Variants in PIEZO1 observed in about 807,000 individuals in gnomAD.
PIEZO1 encodes piezo type mechanosensitive ion channel component 1 (Er blood group), also known as piezo-type mechanosensitive ion channel component 1.
A neutral mutation model predicts 297.2 loss-of-function variants in PIEZO1; 296 were observed. The observed-to-expected ratio is 1.00, with a 90% CI of 0.91 to 1.10. The LOEUF is 1.10. Ranked by LOEUF, PIEZO1 falls within the 50% of genes least tolerant of loss-of-function variation. The pLI is 0.00. For synonymous variants in PIEZO1, 2,427 were observed against 1,507.5 expected (o/e 1.61, Z -14.13); for missense variants, 5,018 against 3,455.5 (o/e 1.45, Z -11.34).
intron 1 of PIEZO1, among the ~76,000 whole-genome samples, chr16:88,780,129 C>T (rs1188693812): frequency 6.6e-6 from 1 of 152,224 alleles, no homozygotes; most frequent in Non-Finnish European, 1.5e-5. Context: ...TGCCTGCCCC[C>T]GTCCTCCCAG....
At chr16:88,751,948 C>A (rs11644827) in intron 1 of PIEZO1, among the ~76,000 whole-genome samples, 12,565 of 152,270 alleles carry the variant, frequency 0.083, 653 homozygotes, top group East Asian at 0.12. Flanking sequence ...GGGTTCGAAG[C>A]CCGTGGCAGG....
intron 22 of PIEZO1, among the ~76,000 whole-genome samples, chr16:88,730,597 C>CAAA (rs59142015): frequency 8.3e-5 from 7 of 84,280 alleles, no homozygotes; most frequent in African/African-American, 2.1e-4. Context: ...GACTCCATCT[C>CAAA]AAAAAAAAAA....
chr16:88,724,429 G>A (rs1427736269), intron 30 of PIEZO1, among the ~76,000 whole-genome samples: 1 of 152,024 alleles, frequency 6.6e-6, no homozygotes, highest in East Asian at 1.9e-4. Context: ...TACTTGGGAG[G>A]CTGAGGCAGG....
chr16:88,716,034 G>C lies in PIEZO1; in HGVS notation c.7215C>G (p.Val2405=). Residue 2405 remains valine (V), a synonymous_variant, in exon 50 of 51, where the codon GTC becomes GTG. Coordinates refer to ENST00000301015, the MANE Select transcript of PIEZO1 (RefSeq NM_001142864.4). ...AGATGFLEWW[V]IELQECRTDC... is the part of the protein sequence containing the mutation. ...CGGTCCGGCACTCCTGCAGCTCGAT[G>C]ACCCACCATTCGAGGAAGCCGGTGG... The C allele has an allele frequency of 6.5e-6, 10 of 1,550,238 alleles. No homozygotes were observed. Among genetic ancestry groups the C allele is most frequent in the Non-Finnish European group, 8.7e-6 (10 of 1,146,914 alleles).
chr16:88,722,037 G>A lies in PIEZO1; in HGVS notation c.4985C>T (p.Ala1662Val). 1 of 1,547,630 alleles carries A rather than the reference G, an allele frequency of 6.5e-7. No individual in the cohort carries two copies. The highest frequency in any genetic ancestry group is 8.7e-7 in the Non-Finnish European group (1 of 1,146,358). The change falls in exon 37 of 51, where the codon GCA becomes GTA. Residue 1662 changes from alanine to valine, a missense_variant. By Grantham distance (64) the Ala-to-Val change is moderately conservative. Transcript: ENST00000301015. ...RRLRIPELEE[A>V]ELFAEGQGRA... ...GCCCTGCCCCTCCGCAAACAGCTCT[G>A]CCTCCTCCAGCTCTGGGATGCGCAG...
rs1017359094 is a variant in PIEZO1, at chr16:88,726,551, A to G, written c.3792T>C (p.Tyr1264=). The G allele has an allele frequency of 6.5e-7, 1 of 1,549,558 alleles. No individual in the cohort carries two copies. The highest frequency in any genetic ancestry group is 2.0e-5 in the Admixed American group (1 of 50,990). ...FSLVCTVKGY[Y]DPKEMMDRDQ... is the part of the protein sequence containing the mutation. ...GCCACCGTCCTGGCCACTCACGGTC[A>G]TAGTAGCCCTTGACGGTGCATACAA... The change falls in exon 26 of 51, where the codon TAT becomes TAC. Residue 1264 remains tyrosine (Y), a synonymous_variant. Transcript: ENST00000301015.
intron 1 of PIEZO1, among the ~76,000 whole-genome samples, chr16:88,756,357 C>T (rs1392028064): frequency 6.6e-6 from 1 of 152,176 alleles, no homozygotes; most frequent in Non-Finnish European, 1.5e-5. Context: ...CTGGACCCCA[C>T]AATGGCCGCA....
intron 25 of PIEZO1, 25 bp downstream of exon 25, chr16:88,726,690 G>A (rs1567666265): frequency 6.6e-7 from 1 of 1,520,248 alleles, no homozygotes; most frequent in Non-Finnish European, 8.9e-7. Context: ...CCAGGGCGGT[G>A]GGTGCGGGGG....
rs571621708 is a variant in PIEZO1 at position 88,746,141 on chromosome 16, C to G, written c.160+3243G>C. ...CTTGAGGCTGAGCCATGAGGCCCAC[C>G]CAGCGACAGCTAGGGCTGAGCTGCG... On this transcript the variant is annotated intron_variant, in intron 2 of 50. Transcript: ENST00000301015. Among the ~76,000 whole-genome samples, 15 of 152,270 alleles carry G rather than the reference C, an allele frequency of 9.9e-5. No homozygotes were observed. In the South Asian group the frequency reaches 3.1e-3, roughly 32 times the overall value.
intron 1 of PIEZO1, among the ~76,000 whole-genome samples, chr16:88,771,052 G>A (rs1296690771): frequency 1.3e-5 from 2 of 152,174 alleles, no homozygotes; most frequent in African/African-American, 4.8e-5. Context: ...GTGTTGCAAG[G>A]TCCTTCCGCC....
At position 88,736,358 on chromosome 16, in the gene PIEZO1, C is replaced by G. The variant is rs1365776535; in HGVS notation, c.1347G>C (p.Trp449Cys). ...HSWLTFVLLL[W>C]ACLIWTVRSR... ...TGCGCACCGTCCAGATGAGGCAGGC[C>G]CAGAGCAGCAGTACGAAGGTCAGCC... Residue 449 changes from tryptophan (W) to cysteine (C), a missense_variant, in exon 12 of 51, where the codon TGG (tryptophan) becomes TGC (cysteine). Physicochemically the swap from Trp to Cys is radical, Grantham distance 215. Transcript: ENST00000301015. 2 of 1,550,026 alleles carry G rather than the reference C, an allele frequency of 1.3e-6. No homozygotes were observed.
intron 1 of PIEZO1, among the ~76,000 whole-genome samples, chr16:88,754,625 G>C (rs3843706): frequency 0.21 from 32,480 of 152,170 alleles, 3,886 homozygotes; most frequent in African/African-American, 0.33. Flanking sequence ...TGCCGGATGG[G>C]GCTTTCACAA....
In PIEZO1 at chr16:88,772,154, G is replaced by A. The variant is rs72813542; in HGVS notation, c.64+12747C>T. 6.6e-3 allele frequency among the ~76,000 whole-genome samples: 1,007 copies of A among 152,302 alleles called. 10 individuals are homozygous for A. The highest frequency in any genetic ancestry group is 9.7e-3 in the Non-Finnish European group (663 of 68,016). On this transcript the variant is annotated intron_variant, in intron 1 of 50. Transcript: ENST00000301015. ...TCCACCTGCGGCCCCAGGCCCTCCT[G>A]AGACTCTGGGCATGGCTGTCAGAAT...
chr16:88,727,719 C>G (rs550044498), intron 22 of PIEZO1, 58 bp from the exon 23 acceptor site: 9 of 815,032 alleles, frequency 1.1e-5, no homozygotes, highest in African/African-American at 1.1e-4. Context: ...CTGAGACACC[C>G]GGTCCCCACC....
At chr16:88,749,889 A>C (rs1415281810) in intron 1 of PIEZO1, among the ~76,000 whole-genome samples, 1 of 151,658 alleles carries the variant, frequency 6.6e-6, no homozygotes, top group African/African-American at 2.4e-5. Flanking sequence ...TTAGCCGGGC[A>C]TGGTGGCGGG....
intron 30 of PIEZO1, 83 bp downstream of exon 30, chr16:88,724,926 G>A (rs1337424009): frequency 4.6e-6 from 4 of 871,074 alleles, no homozygotes; most frequent in East Asian, 3.2e-5. Context: ...GGGAAGGGAG[G>A]GGAAGATAGC....
chr16:88,756,895 T>C (rs1906687939), intron 1 of PIEZO1, among the ~76,000 whole-genome samples: 1 of 151,372 alleles, frequency 6.6e-6, no homozygotes, highest in African/African-American at 2.4e-5. Flanking sequence ...GCCAACATGG[T>C]GAAACCCTGT....
At position 88,719,929 on chromosome 16, in the gene PIEZO1, A is replaced by G; in HGVS notation, c.6196T>C (p.Trp2066Arg). The change falls in exon 43 of 51, where the codon TGG becomes CGG. Residue 2066 changes from tryptophan (W) to arginine (R), a missense_variant. Coordinates refer to ENST00000301015, the MANE Select transcript of PIEZO1 (RefSeq NM_001142864.4). ...AAGTAGATGCACTTCACGAAGTACC[A>G]GAGCTGGGCCACCACATTCTGGTTG... ...MFNQNVVAQLWYFVKCIYFAL... is the reference protein window; with the variant it reads ...MFNQNVVAQLRYFVKCIYFAL... 6.4e-7 allele frequency: 1 copy of G among 1,550,394 alleles called. No individual in the cohort carries two copies.
Position 88,716,426 on chromosome 16 carries a change from C to T in PIEZO1, c.6984G>A (p.Leu2328=), listed in dbSNP as rs530682022. The change falls in exon 48 of 51, where the codon CTG becomes CTA. Residue 2328 remains leucine, a synonymous_variant. Transcript: ENST00000301015. The stretch of plus-strand genomic sequence containing the variant: ...GCCGCCGTGCAGTGCTGTTGGGGGC[C>T]AGGGCCAGCATGTGCTTCTCGTTGG... ...EYANEKHMLA[L]APNSTARRQL... 1.9e-6 allele frequency: 3 copies of T among 1,549,750 alleles called. No homozygotes were observed. The highest frequency in any genetic ancestry group is 1.4e-5 in the African/African-American group (1 of 73,180).
Sources: gnomAD v4.1 joint callset for allele counts (sites outside exome capture counted in the v4.1 genomes callset) on GRCh38, gnomAD v4.1.1 for gene constraint, MANE v1.5 for transcripts, NCBI Gene and HGNC (gene_info 2026-07-23, HGNC 2026-07-21) for gene names.